Variants in CSMD3 observed in about 807,000 individuals in gnomAD.
CSMD3 encodes CUB and Sushi multiple domains 3.
Under a neutral mutation model 435.2 loss-of-function variants are expected in CSMD3, and 177 were observed. The ratio of observed to expected loss-of-function variants is 0.41; its 90% CI spans 0.36 to 0.46. The LOEUF (loss-of-function observed/expected upper bound fraction) is 0.46. CSMD3 is among the 20% of genes least tolerant of loss of function. The pLI is 0.34. For synonymous variants in CSMD3, 1,656 were observed against 1,520.5 expected, an observed-to-expected ratio of 1.09 and a Z score of -2.07; for missense variants, 4,265 against 4,504.6, an observed-to-expected ratio of 0.95 and a Z score of 1.52.
intron 32 of CSMD3, among the ~76,000 whole-genome samples, chr8:112,413,942 T>C (rs1409237149): frequency 1.3e-5 from 2 of 152,112 alleles, no homozygotes; most frequent in Non-Finnish European, 2.9e-5. Context: ...GATTACCCTC[T>C]CACCTCCACC....
At chr8:113,077,637 A>G (rs1317006345) in intron 5 of CSMD3, among the ~76,000 whole-genome samples, 2 of 152,170 alleles carry the variant, frequency 1.3e-5, no homozygotes, top group East Asian at 1.9e-4. Flanking sequence ...TGGGAGGCAG[A>G]GGTTGCAGTG....
intron 4 of CSMD3, among the ~76,000 whole-genome samples, chr8:113,129,298 C>T (rs1404785434): frequency 6.6e-6 from 1 of 152,020 alleles, no homozygotes; most frequent in East Asian, 1.9e-4. Context: ...CTTAGAGGCA[C>T]TAGGGTGGGA....
chr8:112,236,300 G>C (rs1353824753), intron 67 of CSMD3, among the ~76,000 whole-genome samples: 1 of 151,764 alleles, frequency 6.6e-6, no homozygotes, highest in Non-Finnish European at 1.5e-5. Flanking sequence ...AAATATCATA[G>C]TGTCTCATTT....
At chr8:112,566,172 G>C (rs1312677582) in intron 24 of CSMD3, among the ~76,000 whole-genome samples, 2 of 151,700 alleles carry the variant, frequency 1.3e-5, no homozygotes, top group Admixed American at 1.3e-4. Context: ...TTCAGAGCTA[G>C]TATAGCATAG....
intron 4 of CSMD3, among the ~76,000 whole-genome samples, chr8:113,151,760 A>C (rs1178848932): frequency 6.6e-6 from 1 of 152,000 alleles, no homozygotes; most frequent in Non-Finnish European, 1.5e-5. Flanking sequence ...AGATTATTTA[A>C]AATTGCAGTT....
At chr8:113,376,021 A>T (rs1189236417) in intron 1 of CSMD3, among the ~76,000 whole-genome samples, 1 of 152,156 alleles carries the variant, frequency 6.6e-6, no homozygotes, top group Admixed American at 6.5e-5. Flanking sequence ...TGATTTAATT[A>T]TCTATATGAA....
At chr8:113,225,105 T>C (rs1034428713) in intron 3 of CSMD3, among the ~76,000 whole-genome samples, 1 of 151,436 alleles carries the variant, frequency 6.6e-6, no homozygotes, top group Non-Finnish European at 1.5e-5. Context: ...TTTCCATTAC[T>C]GAGTTAAAGG....
intron 42 of CSMD3, among the ~76,000 whole-genome samples, chr8:112,339,678 C>A (rs568754551): frequency 2.0e-5 from 3 of 152,116 alleles, no homozygotes; most frequent in Admixed American, 6.5e-5. Flanking sequence ...AATTTTCAAA[C>A]TGATTCCTTC....
intron 31 of CSMD3, among the ~76,000 whole-genome samples, chr8:112,491,956 G>T (rs1219341247): frequency 2.0e-5 from 3 of 151,970 alleles, no homozygotes; most frequent in African/African-American, 4.8e-5. Flanking sequence ...TTCTTATATA[G>T]AGAGAGTTAT....
In CSMD3 at chr8:112,981,575, GAATA is replaced by G. The variant is rs1412107084; in HGVS notation, c.1031-5431_1031-5428del. ...TGATGAAATAATATGCAAAATGAATGAATAAATAAATAATATATTTGCAATTCAA... is the reference window on the plus strand; with the variant it reads ...TGATGAAATAATATGCAAAATGAATGAATAAATAATATATTTGCAATTCAA... On this transcript the variant is annotated intron_variant, in intron 6 of 70. Transcript: ENST00000297405. 4.0e-5 allele frequency among the ~76,000 whole-genome samples: 6 copies of G among 151,614 alleles called. No homozygotes were observed. In the South Asian group the frequency reaches 1.0e-3, roughly 26 times the overall value.
At chr8:113,006,984 T>C (rs1480416099) in intron 6 of CSMD3, among the ~76,000 whole-genome samples, 1 of 151,924 alleles carries the variant, frequency 6.6e-6, no homozygotes, top group Non-Finnish European at 1.5e-5. Flanking sequence ...CTTTTATATC[T>C]TCTCCACCCT....
chr8:112,454,926 A>C (rs1816675915), intron 32 of CSMD3, among the ~76,000 whole-genome samples: 2 of 152,076 alleles, frequency 1.3e-5, no homozygotes, highest in South Asian at 4.1e-4. Context: ...GCTACTCAAG[A>C]GGCTGAAGTG....
chr8:112,446,769 T>C (rs1424900740), intron 32 of CSMD3, among the ~76,000 whole-genome samples: 4 of 152,224 alleles, frequency 2.6e-5, no homozygotes, highest in African/African-American at 4.8e-5. Context: ...TGGAGGCTTT[T>C]TGCTTTCGAA....
At chr8:112,759,391 G>T (rs2077779515) in intron 13 of CSMD3, among the ~76,000 whole-genome samples, 1 of 152,012 alleles carries the variant, frequency 6.6e-6, no homozygotes, top group African/African-American at 2.4e-5. Flanking sequence ...CAGAACTCAG[G>T]GTTCGTAAAT....
chr8:112,395,099 A>G (rs1413076307), intron 35 of CSMD3, among the ~76,000 whole-genome samples: 1 of 152,212 alleles, frequency 6.6e-6, no homozygotes, highest in African/African-American at 2.4e-5. Flanking sequence ...ATTAGCAGAT[A>G]CGCAATACCA....
rs527384515 is a variant in CSMD3 at position 113,197,685 on chromosome 8, T to TA, written c.515-23770dup. 5.1e-3 allele frequency among the ~76,000 whole-genome samples: 779 copies of TA among 151,416 alleles called. 10 individuals are homozygous for TA. The highest frequency in any genetic ancestry group is 0.018 in the African/African-American group (754 of 41,492). Reference sequence around the variant, plus strand: ...ATGTGCTTATCTCCAAGCTTTTCTATAGAAAATACACATTTTAAAACGATC... The same window carrying TA: ...ATGTGCTTATCTCCAAGCTTTTCTATAAGAAAATACACATTTTAAAACGATC... On this transcript the variant is annotated intron_variant, in intron 3 of 70. Transcript: ENST00000297405.
chr8:112,322,884 A>T (rs1823135735), intron 45 of CSMD3, among the ~76,000 whole-genome samples: 1 of 152,166 alleles, frequency 6.6e-6, no homozygotes, highest in South Asian at 2.1e-4. Context: ...CTATCCAGGA[A>T]TTAGTTCTTG....
intron 32 of CSMD3, among the ~76,000 whole-genome samples, chr8:112,413,280 C>G (rs979772383): frequency 6.6e-6 from 1 of 152,160 alleles, no homozygotes; most frequent in Non-Finnish European, 1.5e-5. Context: ...TATTTGACAT[C>G]TAATTTTTGA....
At chr8:113,272,796 T>C (rs760239506) in intron 3 of CSMD3, among the ~76,000 whole-genome samples, 3 of 152,140 alleles carry the variant, frequency 2.0e-5, no homozygotes, top group Non-Finnish European at 2.9e-5. Flanking sequence ...ATTCTACTTA[T>C]ATATTGTAAA....
Sources: allele counts gnomAD v4.1 joint callset (sites outside exome capture counted in the v4.1 genomes callset), GRCh38; gene constraint gnomAD v4.1.1; transcripts MANE v1.5; gene names NCBI Gene and HGNC (gene_info 2026-07-23, HGNC 2026-07-21).